The following ASTN2 variants were observed in gnomAD, a reference collection of about 807,000 sequenced individuals.
ASTN2 encodes the protein astrotactin 2.
A neutral mutation model predicts 139.8 loss-of-function variants in ASTN2; 54 were observed. That is an observed-to-expected ratio of 0.39 (90% CI 0.31 to 0.48). The LOEUF (loss-of-function observed/expected upper bound fraction) is 0.48. ASTN2 is among the 20% of genes least tolerant of loss of function. ASTN2 has a pLI of 0.95. For synonymous variants in ASTN2, 756 were observed against 719.5 expected (o/e 1.05, Z -0.81); for missense variants, 1,565 against 1,725.1 (o/e 0.91, Z 1.64).
intron 1 of ASTN2, among the ~76,000 whole-genome samples, chr9:117,399,547 G>A (rs561163293): frequency 5.9e-5 from 9 of 152,200 alleles, no homozygotes; most frequent in Admixed American, 5.9e-4. Flanking sequence ...ACTTTTGCAG[G>A]CTATCTTCCA....
chr9:117,133,401 C>G (rs1829869536), intron 4 of ASTN2, among the ~76,000 whole-genome samples: 1 of 152,176 alleles, frequency 6.6e-6, no homozygotes, highest in African/African-American at 2.4e-5. Flanking sequence ...GGATGTGAAT[C>G]CACATCTGTC....
intron 16 of ASTN2, chr9:116,697,839 C>A (rs778141507): frequency 6.2e-7 from 1 of 1,614,034 alleles, no homozygotes; most frequent in Non-Finnish European, 8.5e-7. Flanking sequence ...AGAGCAGCTG[C>A]GTCCCAAGCT....
chr9:116,784,317 A>G (rs1458791948), intron 13 of ASTN2, among the ~76,000 whole-genome samples: 1 of 152,224 alleles, frequency 6.6e-6, no homozygotes, highest in Non-Finnish European at 1.5e-5. Flanking sequence ...GAACAGATAT[A>G]ACACTGGCTC....
At chr9:117,123,599 C>A (rs1332539897) in intron 4 of ASTN2, among the ~76,000 whole-genome samples, 1 of 152,054 alleles carries the variant, frequency 6.6e-6, no homozygotes, top group African/African-American at 2.4e-5. Flanking sequence ...GTGTTACTAC[C>A]CTGTAGAGTA....
chr9:117,157,883 A>G (rs1041621689), intron 3 of ASTN2, among the ~76,000 whole-genome samples: 1 of 152,000 alleles, frequency 6.6e-6, no homozygotes, highest in African/African-American at 2.4e-5. Flanking sequence ...ACTGTCAGAG[A>G]TATACTTAAG....
intron 3 of ASTN2, among the ~76,000 whole-genome samples, chr9:117,149,445 G>A (rs1390381300): frequency 1.3e-5 from 2 of 152,206 alleles, no homozygotes; most frequent in East Asian, 1.9e-4. Context: ...GTGTGTGTGT[G>A]TGTATGTGTT....
intron 3 of ASTN2, among the ~76,000 whole-genome samples, chr9:117,195,195 G>C (rs77989938): frequency 0.013 from 1,927 of 152,324 alleles, 32 homozygotes; most frequent in East Asian, 0.081. Context: ...AACTCACATA[G>C]AGAAAAGAGG....
At chr9:116,479,454 G>A (rs1588097499) in intron 20 of ASTN2, among the ~76,000 whole-genome samples, 1 of 130,906 alleles carries the variant, frequency 7.6e-6, no homozygotes, top group African/African-American at 2.6e-5. Flanking sequence ...GGCCAGCAAT[G>A]CTCCATCCAA....
At chr9:116,662,439 G>C (rs749840730) in intron 16 of ASTN2, among the ~76,000 whole-genome samples, 1 of 152,014 alleles carries the variant, frequency 6.6e-6, no homozygotes, top group Non-Finnish European at 1.5e-5. Flanking sequence ...TGGGTGTGGT[G>C]GTGGGCACCT....
intron 19 of ASTN2, chr9:116,613,017 G>T (rs576066629): frequency 1.5e-4 from 22 of 151,672 alleles, no homozygotes; most frequent in African/African-American, 5.1e-4. Context: ...TCAAATAGAC[G>T]CAATAAAAAA....
intron 19 of ASTN2, among the ~76,000 whole-genome samples, chr9:116,542,969 G>T (rs900224929): frequency 6.8e-6 from 1 of 147,320 alleles, no homozygotes; most frequent in Non-Finnish European, 1.5e-5. Context: ...TAAGCTTGAT[G>T]TTCACCTTTG....
intron 2 of ASTN2, among the ~76,000 whole-genome samples, chr9:117,235,255 C>T (rs113809368): frequency 6.6e-5 from 10 of 150,528 alleles, no homozygotes; most frequent in African/African-American, 2.2e-4. Flanking sequence ...AAAAAAAAGG[C>T]GGGGGGAGGA....
rs187171541 is a variant in ASTN2 at position 116,923,741 on chromosome 9, C to T, written c.1889+51467G>A. ...AATTCAACTTGGAATCCTTAAATCT[C>T]AGACTTGGAAGAAAGCTCAGCAGAG... On this transcript the variant is annotated intron_variant, in intron 10 of 22. Coordinates refer to ENST00000313400, the MANE Select transcript of ASTN2 (RefSeq NM_001365068.1). 2.6e-3 allele frequency among the ~76,000 whole-genome samples: 402 copies of T among 152,316 alleles called. 2 individuals carry two copies. The highest frequency in any genetic ancestry group is 9.3e-3 in the African/African-American group (387 of 41,568).
chr9:117,290,378 G>C (rs1009360343), intron 2 of ASTN2, among the ~76,000 whole-genome samples: 1 of 152,084 alleles, frequency 6.6e-6, no homozygotes, highest in African/African-American at 2.4e-5. Context: ...AATAAATATA[G>C]CTTTTTAAAG....
At chr9:117,122,730 G>A (rs933138249) in intron 4 of ASTN2, among the ~76,000 whole-genome samples, 1 of 152,096 alleles carries the variant, frequency 6.6e-6, no homozygotes, top group East Asian at 1.9e-4. Flanking sequence ...GGGTGGCTAC[G>A]GCTGTGTTCA....
chr9:117,375,637 G>C (rs547427749), intron 1 of ASTN2, among the ~76,000 whole-genome samples: 2 of 152,310 alleles, frequency 1.3e-5, no homozygotes, highest in South Asian at 2.1e-4. Flanking sequence ...TACAGAAGCA[G>C]GAGATTCAAG....
chr9:116,688,020 G>T (rs994672601), intron 16 of ASTN2, among the ~76,000 whole-genome samples: 1 of 152,058 alleles, frequency 6.6e-6, no homozygotes, highest in African/African-American at 2.4e-5. Context: ...AGAGGAAGGA[G>T]CAGGGTATGA....
chr9:117,336,877 T>A (rs941585625), intron 1 of ASTN2, among the ~76,000 whole-genome samples: 11 of 152,144 alleles, frequency 7.2e-5, no homozygotes, highest in Admixed American at 6.6e-4. Context: ...TTATGAAAAG[T>A]TCTGACACAA....
chr9:117,121,115 A>C (rs1829547180), intron 4 of ASTN2, among the ~76,000 whole-genome samples: 1 of 152,252 alleles, frequency 6.6e-6, no homozygotes, highest in African/African-American at 2.4e-5. Flanking sequence ...GGTAGGCATC[A>C]CTACACATTT....
Sources: gnomAD v4.1 joint callset for allele counts (sites outside exome capture counted in the v4.1 genomes callset) on GRCh38, gnomAD v4.1.1 for gene constraint, MANE v1.5 for transcripts, NCBI Gene and HGNC (gene_info 2026-07-23, HGNC 2026-07-21) for gene names.